The following KIF20B variants were observed in gnomAD, a reference collection of about 807,000 sequenced individuals.
KIF20B encodes the protein kinesin-like protein KIF20B.
KIF20B carries 188 observed loss-of-function variants against 232.5 expected under a neutral mutation model. The observed-to-expected ratio is 0.81, with a 90% CI of 0.72 to 0.91. The LOEUF is 0.91. Among genes scored for constraint, KIF20B ranks in the 40% least tolerant of loss-of-function variants. The probability of loss-of-function intolerance (pLI) is 0.00; values close to 1 mark genes in which losing one functional copy is unlikely to be tolerated. For missense variants in KIF20B, 2,154 were observed against 2,055.9 expected (o/e 1.05, Z -0.92); for synonymous variants, 712 against 683.0 (o/e 1.04, Z -0.66).
chr10:89,733,515 A>T (rs1310755486), intron 19 of KIF20B, among the ~76,000 whole-genome samples: 1 of 152,206 alleles, frequency 6.6e-6, no homozygotes, highest in East Asian at 1.9e-4. Context: ...CTGATGAAAG[A>T]TAATACATGT....
intron 13 of KIF20B, 187 bp from the exon 14 acceptor site, chr10:89,723,777 C>A: frequency 2.1e-6 from 1 of 483,500 alleles, no homozygotes; most frequent in Non-Finnish European, 3.1e-6. Flanking sequence ...GTGGAAAGGC[C>A]AACCTGATTT....
At chr10:89,722,397 C>T (rs1481582000) in intron 13 of KIF20B, among the ~76,000 whole-genome samples, 9 of 152,158 alleles carry the variant, frequency 5.9e-5, no homozygotes, top group African/African-American at 1.4e-4. Context: ...CCGCCAGGCG[C>T]GGTGGCTCAT....
intron 1 of KIF20B, 138 bp downstream of exon 1, chr10:89,701,818 G>C (rs141298634): frequency 6.6e-6 from 1 of 152,162 alleles, no homozygotes. Context: ...TTACTGTCAG[G>C]AACTGGGTTG....
At chr10:89,730,519 T>A (rs1230214339) in intron 18 of KIF20B, among the ~76,000 whole-genome samples, 1 of 152,088 alleles carries the variant, frequency 6.6e-6, no homozygotes, top group African/African-American at 2.4e-5. Context: ...AATGATTAAG[T>A]TGAGCCTTAA....
At chr10:89,746,583 TG>T (rs1841915637) in intron 23 of KIF20B, among the ~76,000 whole-genome samples, 1 of 152,268 alleles carries the variant, frequency 6.6e-6, no homozygotes, top group African/African-American at 2.4e-5. Context: ...AGGCACAGGA[TG>T]GGGGCGTGGC....
intron 21 of KIF20B, among the ~76,000 whole-genome samples, chr10:89,742,092 T>C (rs1385775039): frequency 6.6e-6 from 1 of 152,172 alleles, no homozygotes; most frequent in Non-Finnish European, 1.5e-5. Context: ...CTAAGATCTA[T>C]GGTAAGAACA....
intron 5 of KIF20B, among the ~76,000 whole-genome samples, 167 bp downstream of exon 5, chr10:89,710,232 G>A (rs1440170204): frequency 1.1e-5 from 1 of 94,516 alleles, no homozygotes; most frequent in African/African-American, 3.9e-5. Flanking sequence ...TTTTTTTTTG[G>A]CGGGGGAGGG....
At chr10:89,762,549 C>T (rs1842264729) in intron 28 of KIF20B, 89 bp from the exon 29 acceptor site, 1 of 964,712 alleles carries the variant, frequency 1.0e-6, no homozygotes, top group Non-Finnish European at 1.6e-6. Flanking sequence ...AATGCATTGT[C>T]TTGGATAGGC....
chr10:89,765,994 C>G (rs910256610), intron 29 of KIF20B, among the ~76,000 whole-genome samples: 2 of 152,064 alleles, frequency 1.3e-5, no homozygotes, highest in Non-Finnish European at 2.9e-5. Context: ...AGTTGCTCTT[C>G]TCGAGGAGTA....
rs1051925305 is a variant in KIF20B, at chr10:89,737,831, C to G, written c.2990C>G (p.Ser997Ter). 1 of 1,613,386 alleles carries G rather than the reference C, an allele frequency of 6.2e-7. No individual in the cohort carries two copies. Among genetic ancestry groups the G allele is most frequent in the Admixed American group, 1.7e-5 (1 of 59,984 alleles). Residue 997 changes from serine to a stop codon, truncating the protein, a stop_gained, in exon 20 of 33, where the codon TCA (serine) becomes TGA (stop). Transcript: ENST00000371728. LOFTEE classifies it high-confidence loss of function. ...TKIDELRTLD[S>*]VSQISNIDLL... ...ATAGACGAACTACGTACTCTTGATT[C>G]AGTTTCTCAGATTTCAAACATAGAT...
At chr10:89,749,055 C>G (rs1185284286) in intron 23 of KIF20B, among the ~76,000 whole-genome samples, 2 of 152,110 alleles carry the variant, frequency 1.3e-5, no homozygotes, top group Non-Finnish European at 1.5e-5. Context: ...TCTATAGCTC[C>G]TCCCACCTTT....
chr10:89,710,170 G>T, intron 5 of KIF20B, 105 bp downstream of exon 5: 6 of 959,752 alleles, frequency 6.3e-6, no homozygotes, highest in South Asian at 2.1e-5. Flanking sequence ...CCTAGTATGC[G>T]TTTGCTCTAT....
intron 18 of KIF20B, 126 bp downstream of exon 18, chr10:89,729,373 A>G (rs1843269146): frequency 1.0e-6 from 1 of 962,590 alleles, no homozygotes; most frequent in African/African-American, 1.7e-5. Context: ...TGCTTATGCA[A>G]CATTGAACTC....
chr10:89,737,289 C>A, intron 19 of KIF20B, 98 bp from the exon 20 acceptor site: 5 of 1,173,364 alleles, frequency 4.3e-6, no homozygotes, highest in East Asian at 3.0e-5. Flanking sequence ...TAGAAGTTTA[C>A]TTTTACATGT....
At chr10:89,742,513 TGTTA>T (rs756142286) in intron 21 of KIF20B, among the ~76,000 whole-genome samples, 4 of 152,264 alleles carry the variant, frequency 2.6e-5, no homozygotes, top group African/African-American at 4.8e-5. Context: ...CCTCTATTAT[TGTTA>T]GTTATATAGT....
intron 28 of KIF20B, among the ~76,000 whole-genome samples, chr10:89,761,212 T>C (rs1461435305): frequency 6.6e-6 from 1 of 152,198 alleles, no homozygotes; most frequent in African/African-American, 2.4e-5. Flanking sequence ...TTTTAAGCAC[T>C]GAGGATACGA....
chr10:89,743,914 T>C lies in KIF20B; in HGVS notation c.4022T>C (p.Ile1341Thr). The C allele has an allele frequency of 1.3e-6, 2 of 1,586,082 alleles. No homozygotes were observed. Among genetic ancestry groups the C allele is most frequent in the Non-Finnish European group, 1.7e-6 (2 of 1,170,658 alleles). ...GAATTAGATATGAAACAGCGAACCATTCAGCAACTCAAGGTAAACAGTTTT... is the reference window on the plus strand; with the variant it reads ...GAATTAGATATGAAACAGCGAACCACTCAGCAACTCAAGGTAAACAGTTTT... ...SQELDMKQRTIQQLKEQLNNQ... is the reference protein window; with the variant it reads ...SQELDMKQRTTQQLKEQLNNQ... The change falls in exon 22 of 33, where the codon ATT becomes ACT. Residue 1341 changes from isoleucine (I) to threonine (T), a missense_variant. Transcript: ENST00000371728.
chr10:89,720,329 G>A (rs1441737226), intron 13 of KIF20B, among the ~76,000 whole-genome samples: 1 of 152,166 alleles, frequency 6.6e-6, no homozygotes, highest in East Asian at 1.9e-4. Flanking sequence ...CATTAGGGAA[G>A]CTTTTTATGT....
At chr10:89,772,907 C>T (rs184917449) in intron 32 of KIF20B, 76 bp downstream of exon 32, 2 of 1,300,856 alleles carry the variant, frequency 1.5e-6, no homozygotes, top group South Asian at 1.7e-5. Context: ...GTTTGAATTT[C>T]AATTCTTTAG....
Sources: gnomAD v4.1 joint callset for allele counts (sites outside exome capture counted in the v4.1 genomes callset) on GRCh38, gnomAD v4.1.1 for gene constraint, MANE v1.5 for transcripts, NCBI Gene and HGNC (gene_info 2026-07-23, HGNC 2026-07-21) for gene names.